PLA2G4E: variants seen among roughly 807,000 people sequenced by gnomAD.
PLA2G4E encodes phospholipase A2 group IVE.
In PLA2G4E, 84 loss-of-function variants were observed where a neutral mutation model predicts 109.1. The ratio of observed to expected loss-of-function variants is 0.77; its 90% CI spans 0.65 to 0.92. The LOEUF (loss-of-function observed/expected upper bound fraction) is 0.92, where lower values mean the gene tolerates loss of function less well. Ranked by LOEUF, PLA2G4E falls within the 40% of genes least tolerant of loss-of-function variation. The pLI, the probability that PLA2G4E is intolerant of heterozygous loss-of-function variation, is 0.00. For synonymous variants in PLA2G4E, 469 were observed against 436.1 expected (o/e 1.08, Z -0.94); for missense variants, 1,057 against 1,076.6 (o/e 0.98, Z 0.25).
intron 1 of PLA2G4E, among the ~76,000 whole-genome samples, chr15:42,020,515 A>G (rs1472136346): frequency 6.6e-6 from 1 of 152,232 alleles, no homozygotes; most frequent in Non-Finnish European, 1.5e-5. Context: ...CAATGCCACC[A>G]ATTCTCACCA....
chr15:42,002,914 G>A (rs1344722151), intron 5 of PLA2G4E, among the ~76,000 whole-genome samples: 1 of 152,200 alleles, frequency 6.6e-6, no homozygotes, highest in East Asian at 1.9e-4. Flanking sequence ...TAGATTTATA[G>A]GTTAGAAGAG....
chr15:41,986,997 A>C (rs1288734931), intron 17 of PLA2G4E, 175 bp downstream of exon 17: 1 of 651,612 alleles, frequency 1.5e-6, no homozygotes, highest in Non-Finnish European at 2.6e-6. Context: ...TGCCAGACAC[A>C]TACAGTGTTC....
chr15:42,026,466 T>A (rs1268112405), intron 1 of PLA2G4E, among the ~76,000 whole-genome samples: 1 of 151,990 alleles, frequency 6.6e-6, no homozygotes, highest in African/African-American at 2.4e-5. Context: ...TCATCAGAAA[T>A]GCAAATAAAA....
At chr15:42,050,462 C>G in intron 1 of PLA2G4E, 1 of 1,493,174 alleles carries the variant, frequency 6.7e-7, no homozygotes, top group Non-Finnish European at 9.0e-7. Flanking sequence ...TATTCCGAGT[C>G]AGGAAAGTGA....
intron 1 of PLA2G4E, among the ~76,000 whole-genome samples, chr15:42,039,473 A>C (rs1232864550): frequency 6.6e-6 from 1 of 152,182 alleles, no homozygotes; most frequent in Non-Finnish European, 1.5e-5. Flanking sequence ...ACTGATCAAC[A>C]GAATAGAATG....
intron 1 of PLA2G4E, among the ~76,000 whole-genome samples, chr15:42,038,369 T>C (rs1369772112): frequency 1.3e-5 from 2 of 152,240 alleles, no homozygotes; most frequent in Non-Finnish European, 2.9e-5. Flanking sequence ...AAAATAATTA[T>C]ACAACTCACC....
At chr15:42,050,431 C>T in intron 1 of PLA2G4E, 3 of 1,406,972 alleles carry the variant, frequency 2.1e-6, no homozygotes, top group Non-Finnish European at 2.9e-6. Flanking sequence ...CCTCTTAACT[C>T]TGCAGCAATG....
chr15:42,004,394 G>A (rs57356267), intron 5 of PLA2G4E, among the ~76,000 whole-genome samples: 47,537 of 129,430 alleles, frequency 0.37, 9,428 homozygotes, highest in African/African-American at 0.6. Flanking sequence ...GGAAGGGAGG[G>A]AGGGAGGGAG....
At chr15:41,987,900 C>G in intron 16 of PLA2G4E, 149 bp downstream of exon 16, 1 of 582,108 alleles carries the variant, frequency 1.7e-6, no homozygotes, top group Non-Finnish European at 3.2e-6. Flanking sequence ...GGGGCCGCCC[C>G]CCATCACCCA....
chr15:42,043,564 CAAAAAAA>C (rs58079481), intron 1 of PLA2G4E, among the ~76,000 whole-genome samples: 4 of 95,320 alleles, frequency 4.2e-5, no homozygotes, highest in Non-Finnish European at 6.5e-5. Flanking sequence ...ATGGAGGATA[CAAAAAAA>C]AAAAAAAAAA....
intron 1 of PLA2G4E, among the ~76,000 whole-genome samples, chr15:42,043,032 G>A (rs1294833362): frequency 1.3e-5 from 2 of 152,208 alleles, no homozygotes; most frequent in African/African-American, 2.4e-5. Flanking sequence ...TCACTTGGAA[G>A]GTAATAAGCT....
At chr15:42,009,443 C>T (rs1377033708) in intron 2 of PLA2G4E, among the ~76,000 whole-genome samples, 1 of 152,244 alleles carries the variant, frequency 6.6e-6, no homozygotes, top group Admixed American at 6.5e-5. Context: ...CCACTCTAAT[C>T]TTTTCTCCAA....
chr15:42,020,863 G>T (rs1224107139), intron 1 of PLA2G4E, among the ~76,000 whole-genome samples, 72 bp downstream of exon 1: 1 of 152,058 alleles, frequency 6.6e-6, no homozygotes, highest in Non-Finnish European at 1.5e-5. Context: ...CCCTGCCCCT[G>T]CCCCTCACTT....
At chr15:41,984,118 A>C in intron 19 of PLA2G4E, 144 bp from the exon 20 acceptor site, 1 of 776,988 alleles carries the variant, frequency 1.3e-6, no homozygotes, top group Non-Finnish European at 2.1e-6. Context: ...ACACCCTCAC[A>C]CACGCACCTG....
exon 20 of PLA2G4E, chr15:41,983,786 T>C: frequency 6.2e-7 from 1 of 1,603,696 alleles, no homozygotes; most frequent in Non-Finnish European, 8.5e-7. Context: ...AGGCGCTTCT[T>C]CTTCTCCACT....
Position 42,020,611 on chromosome 15 carries a change from T to G in PLA2G4E, c.184-6854A>C, listed in dbSNP as rs549882939. Among the ~76,000 whole-genome samples, 7 of 147,736 alleles carry G rather than the reference T, an allele frequency of 4.7e-5. No homozygotes were observed. In the East Asian group the frequency reaches 1.4e-3, roughly 29 times the overall value. On this transcript the variant is annotated intron_variant, in intron 1 of 19. Coordinates refer to ENST00000399518, the Ensembl canonical transcript of PLA2G4E. ...GCTTGCCATTAGGGCAGGCCAAATG[T>G]GGATCCCCCTGGCATACTCTCTATC...
At position 42,001,174 on chromosome 15, in the gene PLA2G4E, C is replaced by G. The variant is rs201347466; in HGVS notation, c.656G>C (p.Arg219Pro). Residue 219 changes from arginine (R) to proline (P), a missense_variant, in exon 7 of 20, where the codon CGG (arginine) becomes CCG (proline). Coordinates refer to ENST00000399518, the Ensembl canonical transcript of PLA2G4E. ...CAGCTCACTTTTCTCCCTCTTCCTC[C>G]GCCTCCTGGATTGTGCATGAACCTC... 1.1e-5 allele frequency: 18 copies of G among 1,613,548 alleles called. No individual in the cohort carries two copies. Among genetic ancestry groups the G allele is most frequent in the Admixed American group, 3.3e-5 (2 of 59,976 alleles).
intron 1 of PLA2G4E, among the ~76,000 whole-genome samples, chr15:42,033,794 G>C (rs1049142194): frequency 2.0e-5 from 3 of 152,200 alleles, no homozygotes; most frequent in Non-Finnish European, 4.4e-5. Context: ...AGCAGCCCCT[G>C]GCCCTGGGTG....
chr15:42,008,120 CA>C (rs1395115327), intron 2 of PLA2G4E, among the ~76,000 whole-genome samples: 5 of 152,246 alleles, frequency 3.3e-5, no homozygotes, highest in Non-Finnish European at 5.9e-5. Context: ...TTATTAGAAG[CA>C]CCCTTGTCCC....
Sources: allele counts gnomAD v4.1 joint callset (sites outside exome capture counted in the v4.1 genomes callset), GRCh38; gene constraint gnomAD v4.1.1; transcripts MANE v1.5; gene names NCBI Gene and HGNC (gene_info 2026-07-23, HGNC 2026-07-21).